The following L3MBTL4 variants were observed in gnomAD, a reference collection of about 807,000 sequenced individuals.
L3MBTL4 encodes L3MBTL histone methyl-lysine binding protein 4.
L3MBTL4 carries 70 observed loss-of-function variants against 84.5 expected under a neutral mutation model. The ratio of observed to expected loss-of-function variants is 0.83; its 90% CI spans 0.68 to 1.01. The LOEUF (loss-of-function observed/expected upper bound fraction) is 1.01, where lower values mean the gene tolerates loss of function less well. Among genes scored for constraint, L3MBTL4 ranks in the 50% least tolerant of loss-of-function variants. The pLI is 0.00. For synonymous variants in L3MBTL4, 274 were observed against 259.8 expected, an observed-to-expected ratio of 1.05 and a Z score of -0.52; for missense variants, 715 against 754.8, an observed-to-expected ratio of 0.95 and a Z score of 0.62.
At chr18:6,214,298 A>T (rs1426232911) in intron 11 of L3MBTL4, among the ~76,000 whole-genome samples, 6 of 152,196 alleles carry the variant, frequency 3.9e-5, no homozygotes, top group African/African-American at 1.4e-4. Context: ...AAGAGTCTAT[A>T]ACCACAGACA....
intron 17 of L3MBTL4, among the ~76,000 whole-genome samples, chr18:5,960,992 C>T (rs1339360472): frequency 6.6e-6 from 1 of 152,200 alleles, no homozygotes; most frequent in East Asian, 1.9e-4. Flanking sequence ...GTGGTCTGCA[C>T]TACTGGCTAG....
intron 1 of L3MBTL4, among the ~76,000 whole-genome samples, chr18:6,404,772 G>A (rs1222153331): frequency 2.0e-5 from 3 of 152,018 alleles, no homozygotes; most frequent in African/African-American, 7.3e-5. Context: ...CTGCTGCCTC[G>A]GTCTCCTGGG....
chr18:6,035,302 G>A (rs62076853), intron 16 of L3MBTL4, among the ~76,000 whole-genome samples: 2 of 152,044 alleles, frequency 1.3e-5, no homozygotes, highest in African/African-American at 2.4e-5. Flanking sequence ...TAAGTCTTTA[G>A]TCCATCTTGA....
At chr18:6,404,766 T>C (rs1599932043) in intron 1 of L3MBTL4, among the ~76,000 whole-genome samples, 3 of 152,296 alleles carry the variant, frequency 2.0e-5, no homozygotes, top group African/African-American at 4.8e-5. Context: ...AGCTCACTGC[T>C]GCCTCGGTCT....
At chr18:6,280,139 G>A (rs1325299291) in intron 4 of L3MBTL4, among the ~76,000 whole-genome samples, 2 of 152,138 alleles carry the variant, frequency 1.3e-5, no homozygotes, top group African/African-American at 4.8e-5. Context: ...ATCCGTAAAG[G>A]AACACTGAAT....
intron 16 of L3MBTL4, among the ~76,000 whole-genome samples, chr18:5,990,816 C>T (rs959619876): frequency 2.7e-4 from 40 of 150,552 alleles, no homozygotes; most frequent in Non-Finnish European, 2.2e-4. Flanking sequence ...ATGGGCTACT[C>T]TTCAGTCCCA....
chr18:6,021,046 T>C (rs1438003732), intron 16 of L3MBTL4, among the ~76,000 whole-genome samples: 1 of 151,872 alleles, frequency 6.6e-6, no homozygotes, highest in Non-Finnish European at 1.5e-5. Context: ...TGGGAGAAAA[T>C]TGAGTCTAGG....
At chr18:6,213,961 C>G (rs1014679759) in intron 11 of L3MBTL4, among the ~76,000 whole-genome samples, 1 of 152,106 alleles carries the variant, frequency 6.6e-6, no homozygotes, top group Non-Finnish European at 1.5e-5. Flanking sequence ...ATTGACTATT[C>G]TCATTGCCCA....
chr18:6,003,677 A>G (rs1351552990), intron 16 of L3MBTL4, among the ~76,000 whole-genome samples: 1 of 152,124 alleles, frequency 6.6e-6, no homozygotes, highest in African/African-American at 2.4e-5. Context: ...TAGATTGAAA[A>G]AGATGGATAT....
intron 1 of L3MBTL4, among the ~76,000 whole-genome samples, chr18:6,399,429 C>A (rs1053163671): frequency 6.6e-6 from 1 of 151,342 alleles, no homozygotes; most frequent in Non-Finnish European, 1.5e-5. Context: ...GAGCAAGACT[C>A]CATCACAAAA....
intron 16 of L3MBTL4, among the ~76,000 whole-genome samples, chr18:6,025,441 C>T (rs1447515206): frequency 1.3e-5 from 2 of 152,158 alleles, no homozygotes; most frequent in East Asian, 3.8e-4. Flanking sequence ...CATGCCTACG[C>T]CTTTTCATGC....
chr18:6,278,345 T>C (rs2049177763), intron 4 of L3MBTL4, among the ~76,000 whole-genome samples: 1 of 152,164 alleles, frequency 6.6e-6, no homozygotes, highest in Admixed American at 6.5e-5. Flanking sequence ...TGGCGAGTCA[T>C]GTAGTTTAAT....
Position 6,084,672 on chromosome 18 carries a change from A to G in L3MBTL4, c.1374-3721T>C, listed in dbSNP as rs549777223. Among the ~76,000 whole-genome samples the G allele has an allele frequency of 2.0e-5, 3 of 152,326 alleles. 1 individual carries two copies. The highest frequency in any genetic ancestry group is 2.0e-4 in the Admixed American group (3 of 15,300). ...GCCACCAAAAGACTCATGATCTATTAGGGGATGCAGACTTGTGCAAGGGCA... is the reference window on the plus strand; with the variant it reads ...GCCACCAAAAGACTCATGATCTATTGGGGGATGCAGACTTGTGCAAGGGCA... On this transcript the variant is annotated intron_variant, in intron 15 of 18. Transcript: ENST00000317931.
At chr18:6,154,901 C>A (rs1476448533) in intron 13 of L3MBTL4, among the ~76,000 whole-genome samples, 1 of 152,038 alleles carries the variant, frequency 6.6e-6, no homozygotes, top group Non-Finnish European at 1.5e-5. Context: ...ACCTCCATTA[C>A]AAAATAGGTC....
chr18:6,037,074 A>C (rs1451526702), intron 16 of L3MBTL4, among the ~76,000 whole-genome samples: 1 of 152,224 alleles, frequency 6.6e-6, no homozygotes, highest in Non-Finnish European at 1.5e-5. Flanking sequence ...GAGATGTGAC[A>C]ACAATGCTCA....
chr18:6,221,543 G>A (rs76571785), intron 10 of L3MBTL4, among the ~76,000 whole-genome samples: 352 of 152,274 alleles, frequency 2.3e-3, no homozygotes, highest in Non-Finnish European at 4.1e-3. Context: ...TACAAGGCAA[G>A]GCAACTAACA....
At chr18:6,181,974 A>G (rs2044495345) in intron 12 of L3MBTL4, among the ~76,000 whole-genome samples, 1 of 152,176 alleles carries the variant, frequency 6.6e-6, no homozygotes, top group Non-Finnish European at 1.5e-5. Context: ...ATGAACATGC[A>G]CTTGCATGTG....
chr18:5,992,816 C>G lies in L3MBTL4; in HGVS notation c.1445-23254G>C, dbSNP rs773153953. The stretch of plus-strand genomic sequence containing the variant: ...CTCCCTGAGGCCTCCCCAGAAGCCA[C>G]GCAGGTGCCGTCGCCATGCTTCCTG... On this transcript the variant is annotated intron_variant, in intron 16 of 18. Transcript: ENST00000317931. Among the ~76,000 whole-genome samples, 10 of 152,204 alleles carry G rather than the reference C, an allele frequency of 6.6e-5. No homozygotes were observed. In the South Asian group the frequency reaches 1.2e-3, roughly 19 times the overall value.
chr18:6,196,694 G>T (rs1158732463), intron 12 of L3MBTL4, among the ~76,000 whole-genome samples: 2 of 152,156 alleles, frequency 1.3e-5, no homozygotes, highest in East Asian at 3.9e-4. Context: ...TCAAAGAGGG[G>T]CTGAGAGACC....
Sources: gnomAD v4.1 joint callset for allele counts (sites outside exome capture counted in the v4.1 genomes callset) on GRCh38, gnomAD v4.1.1 for gene constraint, MANE v1.5 for transcripts, NCBI Gene and HGNC (gene_info 2026-07-23, HGNC 2026-07-21) for gene names.